Variants in IQCM observed in about 807,000 individuals in gnomAD.
IQCM encodes IQ motif containing M.
IQCM carries 45 observed loss-of-function variants against 57.6 expected under a neutral mutation model. The observed-to-expected ratio is 0.78, with a 90% CI of 0.62 to 1.00. IQCM has a LOEUF of 1.00. Ranked by LOEUF, IQCM falls within the 50% of genes least tolerant of loss-of-function variation. IQCM has a pLI of 0.00. For missense variants in IQCM, 468 were observed against 511.6 expected (o/e 0.91, Z 0.82); for synonymous variants, 148 against 158.9 (o/e 0.93, Z 0.51).
intron 12 of IQCM, among the ~76,000 whole-genome samples, chr4:149,513,459 G>A (rs1028407833): frequency 1.3e-5 from 2 of 152,078 alleles, no homozygotes; most frequent in Non-Finnish European, 2.9e-5. Flanking sequence ...TATCCATTTA[G>A]TTGTAATAAA....
chr4:149,673,249 C>G (rs1419321038), intron 7 of IQCM, among the ~76,000 whole-genome samples: 1 of 151,980 alleles, frequency 6.6e-6, no homozygotes, highest in African/African-American at 2.4e-5. Flanking sequence ...AACATTATGA[C>G]AGGATCAAAT....
intron 7 of IQCM, among the ~76,000 whole-genome samples, chr4:149,638,654 G>A (rs1358667283): frequency 2.0e-5 from 3 of 152,120 alleles, no homozygotes; most frequent in East Asian, 3.9e-4. Flanking sequence ...GAAAATATAC[G>A]TACTGTAGGA....
chr4:149,739,344 A>G lies in IQCM; in HGVS notation c.37+3311T>C, dbSNP rs73857736. On this transcript the variant is annotated intron_variant, in intron 3 of 13. Coordinates refer to ENST00000636793, the MANE Select transcript of IQCM (RefSeq NM_001363507.2). ...GATTTGTCTGAAGATTAACTTAAAC[A>G]CTGTTACAAAACAGCACAGCACCTA... Among the ~76,000 whole-genome samples, 1,367 of 152,184 alleles carry G rather than the reference A, an allele frequency of 9.0e-3. 10 individuals are homozygous for G. Among genetic ancestry groups the G allele is most frequent in the African/African-American group, 0.03 (1,266 of 41,546 alleles).
intron 10 of IQCM, among the ~76,000 whole-genome samples, chr4:149,556,253 A>C (rs1184971077): frequency 1.3e-5 from 2 of 151,124 alleles, no homozygotes; most frequent in Non-Finnish European, 2.9e-5. Context: ...ATTTAATAAA[A>C]TTTTCCAGTA....
chr4:149,551,803 T>A (rs1749060444), intron 11 of IQCM, among the ~76,000 whole-genome samples: 1 of 152,080 alleles, frequency 6.6e-6, no homozygotes, highest in South Asian at 2.1e-4. Context: ...TGACTCTCAC[T>A]CTCTCTCTCG....
intron 13 of IQCM, among the ~76,000 whole-genome samples, chr4:149,402,896 C>T (rs1196746636): frequency 6.6e-6 from 1 of 151,806 alleles, no homozygotes; most frequent in African/African-American, 2.4e-5. Context: ...TTTTTCAATG[C>T]CTAGTAAATG....
chr4:149,481,714 T>G (rs13113789), intron 12 of IQCM, among the ~76,000 whole-genome samples: 35 of 39,088 alleles, frequency 9.0e-4, no homozygotes, highest in East Asian at 1.8e-3. Flanking sequence ...TTTTTTTTTT[T>G]TTTTTTTTGC....
At chr4:149,529,596 G>T (rs1746530307) in intron 12 of IQCM, among the ~76,000 whole-genome samples, 2 of 152,130 alleles carry the variant, frequency 1.3e-5, no homozygotes, top group Admixed American at 1.3e-4. Flanking sequence ...ATTACCAAAA[G>T]TCTACAACTC....
At chr4:149,431,955 A>G (rs1269306011) in intron 13 of IQCM, among the ~76,000 whole-genome samples, 2 of 150,376 alleles carry the variant, frequency 1.3e-5, no homozygotes, top group Non-Finnish European at 3.0e-5. Context: ...ATATATGTGT[A>G]TGTGTGTGTA....
intron 12 of IQCM, among the ~76,000 whole-genome samples, chr4:149,519,483 G>A (rs1356881644): frequency 3.9e-5 from 6 of 151,960 alleles, no homozygotes; most frequent in African/African-American, 7.2e-5. Context: ...TTAGCCTGGC[G>A]TGGTGGCGGG....
intron 5 of IQCM, among the ~76,000 whole-genome samples, chr4:149,695,419 T>C (rs1040667113): frequency 6.6e-6 from 1 of 152,170 alleles, no homozygotes; most frequent in Non-Finnish European, 1.5e-5. Flanking sequence ...AGGAATGAAA[T>C]GTACCCTTCA....
At chr4:149,433,839 T>C (rs562559360) in intron 12 of IQCM, among the ~76,000 whole-genome samples, 1 of 152,190 alleles carries the variant, frequency 6.6e-6, no homozygotes, top group South Asian at 2.1e-4. Context: ...ACGAACAGCA[T>C]TCACATTATA....
intron 12 of IQCM, among the ~76,000 whole-genome samples, chr4:149,519,762 T>A (rs1745415109): frequency 6.6e-6 from 1 of 152,114 alleles, no homozygotes; most frequent in South Asian, 2.1e-4. Context: ...CCCAGCACTT[T>A]GGGAGGCTGA....
chr4:149,550,167 G>A (rs182829223), intron 11 of IQCM, among the ~76,000 whole-genome samples: 44 of 152,264 alleles, frequency 2.9e-4, no homozygotes, highest in Middle Eastern at 6.8e-3. Flanking sequence ...ACTGACTCAG[G>A]GGAGTTGGTT....
chr4:149,418,808 G>T (rs573535114), intron 13 of IQCM, among the ~76,000 whole-genome samples: 1 of 152,092 alleles, frequency 6.6e-6, no homozygotes, highest in Non-Finnish European at 1.5e-5. Flanking sequence ...CAGGATACAA[G>T]ATGAATGTGC....
chr4:149,780,625 G>A (rs1370321234), intron 2 of IQCM, among the ~76,000 whole-genome samples: 1 of 151,786 alleles, frequency 6.6e-6, no homozygotes, highest in Non-Finnish European at 1.5e-5. Flanking sequence ...AACAAGAAAG[G>A]CTTATTGTAC....
intron 7 of IQCM, among the ~76,000 whole-genome samples, chr4:149,634,732 C>T (rs551432033): frequency 1.5e-4 from 23 of 152,226 alleles, no homozygotes; most frequent in African/African-American, 4.8e-4. Flanking sequence ...TAATGAAACA[C>T]GGACATTAGA....
chr4:149,458,776 A>G (rs769214506), intron 12 of IQCM, among the ~76,000 whole-genome samples: 5 of 152,170 alleles, frequency 3.3e-5, no homozygotes, highest in Admixed American at 6.6e-5. Context: ...AGGAATAGAA[A>G]AATTTAGTAA....
intron 6 of IQCM, 63 bp downstream of exon 6, chr4:149,686,315 A>T: frequency 1.4e-6 from 1 of 736,978 alleles, no homozygotes; most frequent in Non-Finnish European, 1.9e-6. Flanking sequence ...ACAATTGGTC[A>T]GGGAATATTG....
Sources: gnomAD v4.1 joint callset for allele counts (sites outside exome capture counted in the v4.1 genomes callset) on GRCh38, gnomAD v4.1.1 for gene constraint, MANE v1.5 for transcripts, NCBI Gene and HGNC (gene_info 2026-07-23, HGNC 2026-07-21) for gene names.